The following BCOR variants were observed in gnomAD, a reference collection of about 807,000 sequenced individuals.
The protein encoded by BCOR is BCL-6 corepressor.
BCOR carries 10 observed loss-of-function variants against 86.7 expected under a neutral mutation model. The ratio of observed to expected loss-of-function variants is 0.12; its 90% CI spans 0.07 to 0.20. BCOR has a LOEUF of 0.20. Ranked by LOEUF, BCOR falls within the 10% of genes least tolerant of loss-of-function variation. BCOR has a pLI of 1.00. For missense variants in BCOR, 1,259 were observed against 1,452.1 expected (o/e 0.87, Z 2.16); for synonymous variants, 611 against 609.0 (o/e 1.00, Z -0.05).
At chrX:40,172,382 GA>G (rs1938643746) in intron 1 of BCOR, among the ~76,000 whole-genome samples, 1 of 112,699 alleles carries the variant, frequency 8.9e-6, no homozygotes, top group Admixed American at 9.3e-5. Context: ...GCTTCCTAAG[GA>G]TACTAGCGTG....
At chrX:40,086,727 G>A (rs935492060) in intron 1 of BCOR, among the ~76,000 whole-genome samples, 1 of 113,793 alleles carries the variant, frequency 8.8e-6, no homozygotes, top group South Asian at 3.5e-4. Flanking sequence ...ATTTGCACTC[G>A]CTGTAAACAG....
intron 1 of BCOR, among the ~76,000 whole-genome samples, chrX:40,106,079 G>A (rs1426327979): frequency 3.6e-5 from 4 of 111,733 alleles, no homozygotes; most frequent in Admixed American, 1.9e-4. Flanking sequence ...TGCGGGGCTC[G>A]GACTTTGCCA....
At chrX:40,134,107 C>T (rs959210339) in intron 1 of BCOR, among the ~76,000 whole-genome samples, 4 of 106,674 alleles carry the variant, frequency 3.7e-5, no homozygotes, top group Admixed American at 1.0e-4. Flanking sequence ...GGGATCACTC[C>T]AGGCAGGGGG....
chrX:40,066,238 C>A (rs941623042), intron 6 of BCOR, among the ~76,000 whole-genome samples: 2 of 111,663 alleles, frequency 1.8e-5, no homozygotes, highest in African/African-American at 6.5e-5. Context: ...AAAAACATGG[C>A]CAAGGTGGTG....
At chrX:40,053,864 A>G in intron 14 of BCOR, 22 bp downstream of exon 14, 1 of 1,209,764 alleles carries the variant, frequency 8.3e-7, no homozygotes, top group Non-Finnish European at 1.1e-6. Context: ...CTAGTTTTCA[A>G]TCACATGACA....
In BCOR at chrX:40,074,961, G is replaced by A. The variant is rs1243995590; in HGVS notation, c.385C>T (p.Pro129Ser). The change falls in exon 4 of 15, where the codon CCC (proline) becomes TCC (serine). Residue 129 changes from proline to serine, a missense_variant. Pro to Ser is a moderately conservative substitution (Grantham distance 74, BLOSUM62 -1). Coordinates refer to ENST00000378444, the MANE Select transcript of BCOR (RefSeq NM_001123385.2). ...ACGGCAGAAGCCTCCACTGTCTCGGGTGTATTCGGTTTGAACTGCATCTCT... is the reference window on the plus strand; with the variant it reads ...ACGGCAGAAGCCTCCACTGTCTCGGATGTATTCGGTTTGAACTGCATCTCT... Reference protein sequence around the residue: ...NPEMQFKPNTPETVEASAVSG... With the variant: ...NPEMQFKPNTSETVEASAVSG... The A allele has an allele frequency of 5.8e-6, 7 of 1,208,974 alleles. No homozygotes were observed. The highest frequency in any genetic ancestry group is 7.8e-6 in the Non-Finnish European group (7 of 894,850).
In BCOR at chrX:40,077,968, G is replaced by C. The variant is rs757965679; in HGVS notation, c.-39C>G. On this transcript the variant is annotated splice_region_variant and 5_prime_UTR_variant, in exon 2 of 15. Transcript: ENST00000378444. ...ATGGCAGCTTTGCTTCAAGCGTCTAGTCTGTTAAAAGGAAAGAAAAAAAAT... is the reference window on the plus strand; with the variant it reads ...ATGGCAGCTTTGCTTCAAGCGTCTACTCTGTTAAAAGGAAAGAAAAAAAAT... 1.8e-6 allele frequency: 2 copies of C among 1,130,598 alleles called. No homozygotes were observed. Among genetic ancestry groups the C allele is most frequent in the Non-Finnish European group, 2.4e-6 (2 of 821,225 alleles). 93.2% of individuals were successfully genotyped at this position (1,130,598 alleles called of 1,213,427 possible). A position where few individuals can be genotyped will look rare whatever the true frequency, so the allele number is the denominator to read the frequency against.
chrX:40,124,213 C>G (rs1937518874), intron 1 of BCOR, among the ~76,000 whole-genome samples: 1 of 111,018 alleles, frequency 9.0e-6, no homozygotes, highest in African/African-American at 3.3e-5. Context: ...GCAGGAGGAT[C>G]GCTTGAGGTC....
intron 1 of BCOR, among the ~76,000 whole-genome samples, chrX:40,108,209 C>T (rs1937231012): frequency 8.9e-6 from 1 of 112,183 alleles, no homozygotes; most frequent in Non-Finnish European, 1.9e-5. Flanking sequence ...CTCCCTTCGC[C>T]CGGGCCCGGC....
At position 40,066,102 on chromosome X, in the gene BCOR, C is replaced by CA. The variant is rs376938083; in HGVS notation, c.3239-1504dup. Among the ~76,000 whole-genome samples, 766 of 111,624 alleles carry CA rather than the reference C, an allele frequency of 6.9e-3. 12 individuals carry two copies. The highest frequency in any genetic ancestry group is 0.023 in the African/African-American group (705 of 30,669). On this transcript the variant is annotated intron_variant, in intron 6 of 14. Coordinates refer to ENST00000378444, the MANE Select transcript of BCOR (RefSeq NM_001123385.2). Reference sequence around the variant, plus strand: ...TAGAATCTCCCCAACCGTTCCTCCTCATCCTCACTCACGACAGTGCACTGT... The same window carrying CA: ...TAGAATCTCCCCAACCGTTCCTCCTCAATCCTCACTCACGACAGTGCACTGT...
intron 2 of BCOR, chrX:40,077,059 A>T (rs919981486): frequency 3.9e-6 from 1 of 255,367 alleles, no homozygotes; most frequent in South Asian, 3.7e-5. Flanking sequence ...CCATGGTGAT[A>T]AAAAAGCCAT....
chrX:40,089,458 G>A lies in BCOR; in HGVS notation c.-41+7757C>T, dbSNP rs140037762. On this transcript the variant is annotated intron_variant, in intron 1 of 14. Transcript: ENST00000378444. ...CCTTAGGCCTTATGTACCCAAGAAC[G>A]AGGCAAAGAGTGTTTAACACCTATG... 1.5e-3 allele frequency among the ~76,000 whole-genome samples: 162 copies of A among 111,687 alleles called. 1 individual carries two copies. The highest frequency in any genetic ancestry group is 4.9e-3 in the African/African-American group (149 of 30,662).
intron 1 of BCOR, among the ~76,000 whole-genome samples, chrX:40,155,755 G>A (rs939604617): frequency 3.4e-4 from 38 of 112,835 alleles, no homozygotes; most frequent in Non-Finnish European, 5.6e-5. Context: ...ACCTGCCAGT[G>A]ATAATGTGCG....
chrX:40,073,400 G>A lies in BCOR; in HGVS notation c.1946C>T (p.Pro649Leu). 8.2e-7 allele frequency: 1 copy of A among 1,212,342 alleles called. No homozygotes were observed. Among genetic ancestry groups the A allele is most frequent in the Admixed American group, 2.2e-5 (1 of 46,174 alleles). ...FLSPNEAFRS[P>L]PIPYPRSYLP... ...GTAACTCCTGGGGTAGGGAATTGGT[G>A]GGGACCTGAATGCCTCATTTGGAGA... Residue 649 changes from proline (P) to leucine (L), a missense_variant, in exon 4 of 15, where the codon CCA (proline) becomes CTA (leucine). Physicochemically the swap from Pro to Leu is moderately conservative, Grantham distance 98. Coordinates refer to ENST00000378444, the MANE Select transcript of BCOR (RefSeq NM_001123385.2).
chrX:40,065,835 G>A (rs980640696), intron 6 of BCOR, among the ~76,000 whole-genome samples: 9 of 109,723 alleles, frequency 8.2e-5, no homozygotes, highest in Non-Finnish European at 7.6e-5. Flanking sequence ...CGCCTCATCC[G>A]CTGATCTCAT....
chrX:40,138,808 G>A (rs897794762), intron 1 of BCOR, among the ~76,000 whole-genome samples: 1 of 111,088 alleles, frequency 9.0e-6, no homozygotes, highest in South Asian at 3.8e-4. Flanking sequence ...GCTCGCCTTG[G>A]CCTCCCAAAG....
chrX:40,123,855 C>A (rs771440862), intron 1 of BCOR, among the ~76,000 whole-genome samples: 1 of 110,079 alleles, frequency 9.1e-6, no homozygotes, highest in East Asian at 2.9e-4. Context: ...TCAGAGGAAG[C>A]AGAAATGTTT....
intron 2 of BCOR, 118 bp downstream of exon 2, chrX:40,077,726 A>G (rs758301207): frequency 3.2e-6 from 2 of 626,081 alleles, no homozygotes; most frequent in Non-Finnish European, 5.2e-6. Context: ...GCGGCCTACT[A>G]GGCGGGAAGC....
intron 14 of BCOR, 75 bp from the exon 15 acceptor site, chrX:40,052,475 C>T (rs1602101592): frequency 1.0e-6 from 1 of 1,004,020 alleles, no homozygotes; most frequent in East Asian, 3.2e-5. Context: ...TATTAACTAC[C>T]AACCCAAGTG....
Sources: gnomAD v4.1 joint callset for allele counts (sites outside exome capture counted in the v4.1 genomes callset) on GRCh38, gnomAD v4.1.1 for gene constraint, MANE v1.5 for transcripts, NCBI Gene and HGNC (gene_info 2026-07-23, HGNC 2026-07-21) for gene names.